Variants in CAMKMT observed in about 807,000 individuals in gnomAD.
CAMKMT encodes CaM KMT.
A neutral mutation model predicts 48.0 loss-of-function variants in CAMKMT; 53 were observed. That is an observed-to-expected ratio of 1.10 (90% confidence interval 0.89 to 1.39). The LOEUF is 1.39. CAMKMT is among the 40% of genes most tolerant of loss of function. CAMKMT has a pLI of 0.00. For synonymous variants in CAMKMT, 165 were observed against 152.3 expected (o/e 1.08, Z -0.61); for missense variants, 428 against 402.7 (o/e 1.06, Z -0.54).
chr2:44,726,073 G>C (rs1678768336), intron 7 of CAMKMT, among the ~76,000 whole-genome samples: 1 of 152,170 alleles, frequency 6.6e-6, no homozygotes, highest in African/African-American at 2.4e-5. Context: ...CCACTTATAA[G>C]TGAGAATACG....
intron 3 of CAMKMT, among the ~76,000 whole-genome samples, chr2:44,504,562 C>G (rs538694247): frequency 6.6e-6 from 1 of 152,208 alleles, no homozygotes; most frequent in South Asian, 2.1e-4. Context: ...GTTCAATTTC[C>G]TATGCCTCTT....
chr2:44,629,532 T>C (rs550246513), intron 3 of CAMKMT, among the ~76,000 whole-genome samples: 9 of 149,712 alleles, frequency 6.0e-5, no homozygotes, highest in African/African-American at 1.7e-4. Flanking sequence ...ACCTCCACAA[T>C]GGCTCAAGCA....
At chr2:44,437,828 G>A (rs114381214) in intron 3 of CAMKMT, among the ~76,000 whole-genome samples, 2,618 of 124,018 alleles carry the variant, frequency 0.021, 92 homozygotes, top group African/African-American at 0.072. Context: ...AACAGAGCAA[G>A]ACTCTGCTAC....
At chr2:44,564,176 CTTT>C (rs10599009) in intron 3 of CAMKMT, among the ~76,000 whole-genome samples, 297 of 137,076 alleles carry the variant, frequency 2.2e-3, no homozygotes, top group African/African-American at 4.0e-3. Context: ...TTGATCAGAA[CTTT>C]TTTTTTTTTT....
At chr2:44,397,533 G>A (rs1681966466) in intron 3 of CAMKMT, among the ~76,000 whole-genome samples, 1 of 152,182 alleles carries the variant, frequency 6.6e-6, no homozygotes, top group Non-Finnish European at 1.5e-5. Flanking sequence ...CCCTAGCCAT[G>A]TGTCTCCAAC....
intron 3 of CAMKMT, among the ~76,000 whole-genome samples, chr2:44,606,447 G>A (rs1460477619): frequency 6.6e-6 from 1 of 152,168 alleles, no homozygotes; most frequent in African/African-American, 2.4e-5. Context: ...AGAGGCTGGA[G>A]TGATGGCATT....
intron 9 of CAMKMT, among the ~76,000 whole-genome samples, chr2:44,754,474 A>G (rs1285567939): frequency 6.6e-6 from 1 of 152,192 alleles, no homozygotes; most frequent in East Asian, 1.9e-4. Flanking sequence ...GACTTCTGTC[A>G]TTTTCAATTC....
chr2:44,493,746 C>G (rs1041999577), intron 3 of CAMKMT, among the ~76,000 whole-genome samples: 58 of 151,970 alleles, frequency 3.8e-4, no homozygotes, highest in African/African-American at 1.3e-3. Flanking sequence ...TAAGGGGTAA[C>G]AAAATTTCTT....
intron 3 of CAMKMT, among the ~76,000 whole-genome samples, chr2:44,621,630 G>A (rs1201376324): frequency 6.6e-6 from 1 of 152,220 alleles, no homozygotes; most frequent in Non-Finnish European, 1.5e-5. Flanking sequence ...TGGCTGAAGT[G>A]TAGCAGGAAG....
intron 3 of CAMKMT, among the ~76,000 whole-genome samples, chr2:44,587,270 G>A (rs568034732): frequency 2.0e-5 from 3 of 152,186 alleles, no homozygotes; most frequent in East Asian, 1.9e-4. Context: ...TCTAATCAAT[G>A]GACATGGCAG....
At chr2:44,430,434 A>G (rs1054636524) in intron 3 of CAMKMT, among the ~76,000 whole-genome samples, 1 of 151,658 alleles carries the variant, frequency 6.6e-6, no homozygotes, top group South Asian at 2.1e-4. Flanking sequence ...TGGACAAACA[A>G]TGCCTAAGAA....
chr2:44,490,771 A>G (rs564658213), intron 3 of CAMKMT, among the ~76,000 whole-genome samples: 18 of 152,236 alleles, frequency 1.2e-4, no homozygotes, highest in East Asian at 3.9e-4. Flanking sequence ...CAGCTTTACT[A>G]TTTTCTTTAT....
intron 10 of CAMKMT, among the ~76,000 whole-genome samples, chr2:44,770,697 A>G (rs1470079043): frequency 6.6e-6 from 1 of 152,040 alleles, no homozygotes; most frequent in East Asian, 1.9e-4. Context: ...ATGGACTGGG[A>G]AGTTGGTGAA....
At chr2:44,511,581 G>A (rs561093972) in intron 3 of CAMKMT, among the ~76,000 whole-genome samples, 3 of 152,320 alleles carry the variant, frequency 2.0e-5, no homozygotes, top group Non-Finnish European at 4.4e-5. Flanking sequence ...GAGCCACCAC[G>A]CCTGGCCTAT....
chr2:44,599,532 A>G (rs1670861736), intron 3 of CAMKMT, among the ~76,000 whole-genome samples: 1 of 152,106 alleles, frequency 6.6e-6, no homozygotes, highest in Non-Finnish European at 1.5e-5. Context: ...TGATAGGGCC[A>G]TTATCTTCTG....
At chr2:44,436,384 A>G (rs1371383526) in intron 3 of CAMKMT, among the ~76,000 whole-genome samples, 2 of 152,074 alleles carry the variant, frequency 1.3e-5, no homozygotes, top group Non-Finnish European at 2.9e-5. Flanking sequence ...GCCAAACTCA[A>G]TTCTCACTTC....
intron 3 of CAMKMT, among the ~76,000 whole-genome samples, chr2:44,688,053 A>C (rs1030171053): frequency 1.3e-5 from 2 of 152,272 alleles, no homozygotes; most frequent in African/African-American, 4.8e-5. Flanking sequence ...TACATCTACA[A>C]TGGTACGTAA....
At chr2:44,445,846 C>T (rs1216404386) in intron 3 of CAMKMT, among the ~76,000 whole-genome samples, 1 of 151,780 alleles carries the variant, frequency 6.6e-6, no homozygotes, top group African/African-American at 2.4e-5. Flanking sequence ...CCATCAAACT[C>T]CAAATGGTCA....
At chr2:44,563,800 G>A (rs538574919) in intron 3 of CAMKMT, among the ~76,000 whole-genome samples, 5 of 152,160 alleles carry the variant, frequency 3.3e-5, no homozygotes, top group African/African-American at 4.8e-5. Context: ...CAAAGGACAC[G>A]AACTCATCCT....
Sources: gnomAD v4.1 joint callset for allele counts (sites outside exome capture counted in the v4.1 genomes callset) on GRCh38, gnomAD v4.1.1 for gene constraint, MANE v1.5 for transcripts, NCBI Gene and HGNC (gene_info 2026-07-23, HGNC 2026-07-21) for gene names.